The following FAM53A variants were observed in gnomAD, a reference collection of about 807,000 sequenced individuals.
FAM53A encodes family with sequence similarity 53 member A.
A neutral mutation model predicts 26.6 loss-of-function variants in FAM53A; 28 were observed. The ratio of observed to expected loss-of-function variants is 1.05; its 90% CI spans 0.78 to 1.45. The LOEUF is 1.45. FAM53A is among the 40% of genes most tolerant of loss of function. The pLI, the probability that FAM53A is intolerant of heterozygous loss-of-function variation, is 0.00. For missense variants in FAM53A, 650 were observed against 575.8 expected (o/e 1.13, Z -1.32); for synonymous variants, 290 against 253.1 (o/e 1.15, Z -1.38).
chr4:1,621,970 C>T (rs372430959), intron 1 of FAM53A, among the ~76,000 whole-genome samples: 13 of 152,264 alleles, frequency 8.5e-5, no homozygotes, highest in East Asian at 7.7e-4. Flanking sequence ...ATGAACGAAT[C>T]GATGCTGCTG....
the FAM53A span, among the ~76,000 whole-genome samples, chr4:1,594,499 GTTCTC>G: frequency 6.6e-6 from 1 of 152,158 alleles, no homozygotes. Context: ...ATTATTTTGG[GTTCTC>G]TTCTCTATCT....
intron 4 of FAM53A, among the ~76,000 whole-genome samples, chr4:1,646,378 C>G (rs186821341): frequency 1.6e-4 from 24 of 152,194 alleles, no homozygotes; most frequent in African/African-American, 5.8e-4. Flanking sequence ...GGATTACAGG[C>G]GTGAGCCACT....
intron 1 of FAM53A, among the ~76,000 whole-genome samples, chr4:1,634,786 G>A (rs1715763795): frequency 6.6e-6 from 1 of 152,026 alleles, no homozygotes. Flanking sequence ...TGTAATCCCA[G>A]TTACTCGGGA....
chr4:1,654,886 C>T, intron 4 of FAM53A, 92 bp downstream of exon 4: 2 of 1,427,052 alleles, frequency 1.4e-6, no homozygotes, highest in South Asian at 1.6e-5. Context: ...CGGATGCTAA[C>T]AGCCACATCC....
At chr4:1,665,915 C>G (rs1215726129) in intron 2 of FAM53A, among the ~76,000 whole-genome samples, 1 of 151,722 alleles carries the variant, frequency 6.6e-6, no homozygotes, top group East Asian at 1.9e-4. Context: ...AGTGACAAAC[C>G]TGCACCTGCA....
In FAM53A at chr4:1,659,961, G is replaced by C. The variant is rs1470160730; in HGVS notation, c.76-2493C>G. Among the ~76,000 whole-genome samples the C allele has an allele frequency of 6.6e-6, 1 of 152,174 alleles. No individual in the cohort carries two copies. Among genetic ancestry groups the C allele is most frequent in the Non-Finnish European group, 1.5e-5 (1 of 68,042 alleles). On this transcript the variant is annotated intron_variant, in intron 2 of 4. Transcript: ENST00000308132. The surrounding 1 kb of genome is among the most constrained non-coding windows in gnomAD (Gnocchi z 5.2). ...TGAGGGTGAGGACTTCAACATATGG[G>C]TTTCGGGGAATGTGAACATGCAACC... is the stretch of plus-strand genomic sequence containing the variant.
At chr4:1,635,030 G>A (rs961094732), downstream of FAM53A, among the ~76,000 whole-genome samples, 5 of 152,210 alleles carry the variant, frequency 3.3e-5, no homozygotes, top group Non-Finnish European at 5.9e-5. Flanking sequence ...CCTTGAGTCA[G>A]TTTTTAGCAA....
At chr4:1,660,418 G>C (rs1713741776) in intron 2 of FAM53A, among the ~76,000 whole-genome samples, 3 of 151,904 alleles carry the variant, frequency 2.0e-5, no homozygotes. Context: ...GCAACACAGG[G>C]AAACCTGGTC....
the FAM53A span, among the ~76,000 whole-genome samples, chr4:1,577,718 G>A: frequency 6.6e-6 from 1 of 152,222 alleles, no homozygotes; most frequent in Non-Finnish European, 1.5e-5. Flanking sequence ...CGGCGCTCTT[G>A]TTAATTGGCC....
chr4:1,652,341 T>C (rs1712913481), intron 4 of FAM53A, among the ~76,000 whole-genome samples: 3 of 111,172 alleles, frequency 2.7e-5, no homozygotes, highest in Admixed American at 1.9e-4. Flanking sequence ...ACACACGCTA[T>C]ACACACACCA....
the FAM53A span, among the ~76,000 whole-genome samples, chr4:1,585,535 C>T: frequency 3.9e-5 from 6 of 152,168 alleles, no homozygotes; most frequent in Non-Finnish European, 7.4e-5. Flanking sequence ...CTGCCTGCCT[C>T]GGCCTCCCAA....
At chr4:1,669,450 G>C (rs112466203) in intron 1 of FAM53A, among the ~76,000 whole-genome samples, 2,683 of 152,318 alleles carry the variant, frequency 0.018, 79 homozygotes, top group African/African-American at 0.062. Context: ...GGTCTTTCAG[G>C]CTCTGAGCTC....
intron 4 of FAM53A, among the ~76,000 whole-genome samples, chr4:1,651,431 C>T (rs1712770462): frequency 6.6e-6 from 1 of 151,722 alleles, no homozygotes; most frequent in South Asian, 2.1e-4. Context: ...ACTCGGGAGG[C>T]TGAGGCAGGA....
At chr4:1,649,176 A>AAAGGGAAG (rs1560151128) in intron 4 of FAM53A, among the ~76,000 whole-genome samples, 1 of 106,144 alleles carries the variant, frequency 9.4e-6, no homozygotes, top group African/African-American at 4.8e-5. Flanking sequence ...GGAAAGGGAA[A>AAAGGGAAG]GGGAAGGGGA....
chr4:1,655,299 C>T lies in FAM53A; in HGVS notation c.561G>A (p.Pro187=), dbSNP rs769761816. ...TGPTSPATPR[P]SSASGGFVDS... Reference sequence around the variant, plus strand: ...CCACGAAGCCGCCGCTGGCGGAGGACGGCCGGGGCGTGGCGGGCGAGGTGG... The same window carrying T: ...CCACGAAGCCGCCGCTGGCGGAGGATGGCCGGGGCGTGGCGGGCGAGGTGG... Residue 187 remains proline (P), a synonymous_variant, in exon 4 of 5, where the codon CCG becomes CCA. Coordinates refer to ENST00000308132, the MANE Select transcript of FAM53A (RefSeq NM_001174070.3). 7.7e-6 allele frequency: 11 copies of T among 1,423,532 alleles called. No individual in the cohort carries two copies. The highest frequency in any genetic ancestry group is 1.5e-5 in the South Asian group (1 of 66,032). 88.2% of individuals were successfully genotyped at this position (1,423,532 alleles called of 1,614,324 possible). A position where few individuals can be genotyped will look rare whatever the true frequency, so the allele number is the denominator to read the frequency against.
chr4:1,677,036 C>T (rs1439138335), intron 1 of FAM53A, among the ~76,000 whole-genome samples: 1 of 152,152 alleles, frequency 6.6e-6, no homozygotes, highest in African/African-American at 2.4e-5. Context: ...CCTGGAGTCC[C>T]ACCTTGTGCT....
chr4:1,668,286 C>A (rs372375967), intron 2 of FAM53A, among the ~76,000 whole-genome samples: 61 of 152,104 alleles, frequency 4.0e-4, no homozygotes, highest in African/African-American at 1.4e-3. Context: ...ACTACAGGCG[C>A]CTGCTACCGT....
At chr4:1,628,883 C>T (rs930137966) in intron 1 of FAM53A, among the ~76,000 whole-genome samples, 4 of 151,472 alleles carry the variant, frequency 2.6e-5, no homozygotes, top group Admixed American at 2.0e-4. Context: ...CCCCAGGCTT[C>T]GCCCACTGCA....
In FAM53A at chr4:1,654,998, C is replaced by G. The variant is rs1713186407; in HGVS notation, c.862G>C (p.Asp288His). ...CTCACCTGGGTCATTTTCAGGAAGTCCAAGGATGGGCGTGTCCACCTGGCG... is the reference window on the plus strand; with the variant it reads ...CTCACCTGGGTCATTTTCAGGAAGTGCAAGGATGGGCGTGTCCACCTGGCG... The part of the protein sequence containing the change: ...EDARWTRPSL[D>H]FLKMTQTLKN... Residue 288 changes from aspartate (D) to histidine (H), a missense_variant, in exon 4 of 5, where the codon GAC becomes CAC. Physicochemically the swap from Asp to His is moderately conservative, Grantham distance 81. Transcript: ENST00000308132. 1 of 1,534,382 alleles carries G rather than the reference C, an allele frequency of 6.5e-7. No homozygotes were observed. Among genetic ancestry groups the G allele is most frequent in the Non-Finnish European group, 8.8e-7 (1 of 1,140,406 alleles).
Sources: gnomAD v4.1 joint callset for allele counts (sites outside exome capture counted in the v4.1 genomes callset) on GRCh38, gnomAD v4.1.1 for gene constraint, Gnocchi (gnomAD v3.1) non-coding constraint, MANE v1.5 for transcripts, NCBI Gene and HGNC (gene_info 2026-07-23, HGNC 2026-07-21) for gene names.